The following DNAH12 variants were observed in gnomAD, a reference collection of about 807,000 sequenced individuals.
DNAH12 encodes axonemal beta dynein heavy chain 12.
In DNAH12, 285 loss-of-function variants were observed where a neutral mutation model predicts 371.5. The ratio of observed to expected loss-of-function variants is 0.77; its 90% CI spans 0.70 to 0.85. The LOEUF (loss-of-function observed/expected upper bound fraction) is 0.85, where lower values mean the gene tolerates loss of function less well. DNAH12 is among the 40% of genes least tolerant of loss of function. The probability of loss-of-function intolerance (pLI) is 0.00; values close to 1 mark genes in which losing one functional copy is unlikely to be tolerated. For missense variants in DNAH12, 3,611 were observed against 3,689.4 expected, an observed-to-expected ratio of 0.98 and a Z score of 0.55; for synonymous variants, 1,200 against 1,213.0, an observed-to-expected ratio of 0.99 and a Z score of 0.22.
intron 5 of DNAH12, among the ~76,000 whole-genome samples, chr3:57,510,079 T>C (rs2067930863): frequency 6.6e-6 from 1 of 151,982 alleles, no homozygotes; most frequent in African/African-American, 2.4e-5. Context: ...GATAATTATA[T>C]ACAATTTTTA....
At chr3:57,329,252 A>G (rs2153302712) in intron 62 of DNAH12, among the ~76,000 whole-genome samples, 1 of 140,166 alleles carries the variant, frequency 7.1e-6, no homozygotes, top group South Asian at 2.3e-4. Context: ...CTGCATTGCC[A>G]AGTCAATCCT....
chr3:57,331,625 A>AT (rs1250780468), intron 62 of DNAH12, among the ~76,000 whole-genome samples: 1 of 152,088 alleles, frequency 6.6e-6, no homozygotes, highest in African/African-American at 2.4e-5. Context: ...AAACGGTAAA[A>AT]TTTTTTTCTT....
chr3:57,392,166 G>A (rs1338526637), intron 44 of DNAH12, 100 bp from the exon 45 acceptor site: 1 of 149,982 alleles, frequency 6.7e-6, no homozygotes, highest in African/African-American at 2.4e-5. Flanking sequence ...ATTGCACCCT[G>A]TAAATATCTG....
In DNAH12 at chr3:57,419,426, G is replaced by T; in HGVS notation, c.5655C>A (p.Val1885=). The change falls in exon 37 of 74, where the codon GTC becomes GTA. Residue 1885 remains valine, a synonymous_variant. Transcript: ENST00000495027. ...TATATCTAATTGTGTCCATCGTAGG[G>T]ACTATGATATCTTGAATCTTGATTT... ...DKQIKIQDII[V]PTMDTIRYTF... is the part of the protein sequence containing the mutation. 6.6e-7 allele frequency: 1 copy of T among 1,507,518 alleles called. No homozygotes were observed. Among genetic ancestry groups the T allele is most frequent in the Non-Finnish European group, 8.8e-7 (1 of 1,132,092 alleles). The allele number at this position is 1,507,518 out of a possible 1,614,324, so 93.4% of individuals were successfully genotyped here.
At chr3:57,537,753 T>C (rs965404866) in intron 2 of DNAH12, among the ~76,000 whole-genome samples, 1 of 151,786 alleles carries the variant, frequency 6.6e-6, no homozygotes, top group Non-Finnish European at 1.5e-5. Flanking sequence ...GGCATGATCT[T>C]GGCTCACTGC....
At chr3:57,534,453 C>G (rs570493513) in intron 2 of DNAH12, among the ~76,000 whole-genome samples, 1 of 151,486 alleles carries the variant, frequency 6.6e-6, no homozygotes, top group East Asian at 1.9e-4. Flanking sequence ...TCTGTTCCCC[C>G]ACCCCACCAC....
In DNAH12 at chr3:57,419,358, G is replaced by A; in HGVS notation, c.5714+9C>T. ...ATTCAAAATGCTTGTTTATAGCAGA[G>A]TTCCTTACTTTGCATAGGTAATACT... On this transcript the variant is annotated intron_variant, in intron 37 of 73. Transcript: ENST00000495027. The A allele has an allele frequency of 6.7e-7, 1 of 1,489,758 alleles. No individual in the cohort carries two copies. Among genetic ancestry groups the A allele is most frequent in the Admixed American group, 2.7e-5 (1 of 36,552 alleles). The allele number at this position is 1,489,758 out of a possible 1,614,324, so 92.3% of individuals were successfully genotyped here. A position where few individuals can be genotyped will look rare whatever the true frequency, so the allele number is the denominator to read the frequency against.
Position 57,366,854 on chromosome 3 carries a change from G to A in DNAH12, c.9042C>T (p.Ile3014=), listed in dbSNP as rs1437626813. The A allele has an allele frequency of 4.6e-5, 7 of 152,154 alleles. No individual in the cohort carries two copies. The highest frequency in any genetic ancestry group is 1.7e-4 in the African/African-American group (7 of 41,444). The allele number at this position is 152,154 out of a possible 1,614,324, so 9.4% of individuals were successfully genotyped here. A position where few individuals can be genotyped will look rare whatever the true frequency, so the allele number is the denominator to read the frequency against. The change falls in exon 57 of 74, where the codon ATC becomes ATT. Residue 3014 remains isoleucine (I), a synonymous_variant. Transcript: ENST00000495027. ...AGTGCGGGTTTCTCAGTTTTGTGGT[G>A]ATATAAAATTTGAAATCAAAGGAAT... The part of the protein sequence containing the change: ...IEYSFDFKFY[I]TTKLRNPHYM...
chr3:57,538,154 A>C (rs1184357528), intron 2 of DNAH12, among the ~76,000 whole-genome samples: 1 of 152,228 alleles, frequency 6.6e-6, no homozygotes, highest in East Asian at 1.9e-4. Context: ...ATGAAGTGGA[A>C]TTCAGTAAGA....
At chr3:57,499,628 T>TAAAAAAAAAAAA (rs2067442019) in intron 11 of DNAH12, among the ~76,000 whole-genome samples, 1 of 3,938 alleles carries the variant, frequency 2.5e-4, no homozygotes, top group East Asian at 2.0e-3. Context: ...ACACCATCTC[T>TAAAAAAAAAAAA]ACAAAAAAAA....
chr3:57,304,806 A>G (rs1333636634), intron 69 of DNAH12, among the ~76,000 whole-genome samples: 1 of 150,796 alleles, frequency 6.6e-6, no homozygotes, highest in Non-Finnish European at 1.5e-5. Flanking sequence ...GAGGGCAAGA[A>G]CTCTCTGACC....
chr3:57,390,036 A>G (rs1188441738), intron 45 of DNAH12, among the ~76,000 whole-genome samples: 2 of 149,038 alleles, frequency 1.3e-5, no homozygotes, highest in African/African-American at 4.9e-5. Context: ...GGGTTTCACC[A>G]TGTTGGCCAG....
At chr3:57,467,462 T>A (rs571592644) in intron 17 of DNAH12, among the ~76,000 whole-genome samples, 1 of 152,168 alleles carries the variant, frequency 6.6e-6, no homozygotes, top group African/African-American at 2.4e-5. Flanking sequence ...GGTCAACAAT[T>A]TCTCTGGACT....
In DNAH12 at chr3:57,457,812, G is replaced by C. The variant is rs1259549424; in HGVS notation, c.3245C>G (p.Ser1082Cys). The C allele has an allele frequency of 1.3e-6, 2 of 1,551,600 alleles. No individual in the cohort carries two copies. The highest frequency in any genetic ancestry group is 1.7e-6 in the Non-Finnish European group (2 of 1,146,988). Residue 1082 changes from serine (S) to cysteine (C), a missense_variant, in exon 22 of 74, where the codon TCT (serine) becomes TGT (cysteine). Transcript: ENST00000495027. ...RVELIALIST[S>C]AARGAVEKWL... ...CTTTTCCACAGCACCCCGCGCTGCA[G>C]ACGTGGAAATGAGTGCAATCAGCTC...
the DNAH12 span, among the ~76,000 whole-genome samples, chr3:57,549,745 T>G: frequency 1.3e-5 from 2 of 151,806 alleles, no homozygotes; most frequent in Non-Finnish European, 2.9e-5. Context: ...CACCTCAGCC[T>G]CCAGAGTAGC....
intron 8 of DNAH12, among the ~76,000 whole-genome samples, chr3:57,504,877 C>CT (rs2067693155): frequency 6.9e-6 from 1 of 144,674 alleles, no homozygotes; most frequent in Non-Finnish European, 1.5e-5. Context: ...CTTTTTTTTT[C>CT]TTTTTTCTTT....
intron 13 of DNAH12, among the ~76,000 whole-genome samples, chr3:57,478,387 A>G (rs1312990344): frequency 6.6e-6 from 1 of 152,230 alleles, no homozygotes; most frequent in Non-Finnish European, 1.5e-5. Flanking sequence ...AAGAATAAAA[A>G]GAAATAAACA....
rs78317672 is a variant in DNAH12 at position 57,402,489 on chromosome 3, G to C, written c.6948+820C>G. The C allele has an allele frequency of 2.4e-3, 2,947 of 1,221,670 alleles. 53 individuals are homozygous for C. The African/African-American group carries it at 0.041, about 17-fold the overall frequency. The allele number at this position is 1,221,670 out of a possible 1,614,324, so 75.7% of individuals were successfully genotyped here. On this transcript the variant is annotated intron_variant, in intron 43 of 73. Coordinates refer to ENST00000495027, the MANE Select transcript of DNAH12 (RefSeq NM_001366028.2). ...ATTAATGCCATCAACATCATCATCA[G>C]GTTCATGGTTAAATCTGCTAGAAAC...
intron 60 of DNAH12, among the ~76,000 whole-genome samples, chr3:57,343,981 CCCTGTTCT>C (rs1404058235): frequency 2.0e-5 from 3 of 152,120 alleles, no homozygotes; most frequent in Admixed American, 6.5e-5. Context: ...CTTATTATCA[CCCTGTTCT>C]CCTTCTACAC....
Sources: allele counts gnomAD v4.1 joint callset (sites outside exome capture counted in the v4.1 genomes callset), GRCh38; gene constraint gnomAD v4.1.1; transcripts MANE v1.5; gene names NCBI Gene and HGNC (gene_info 2026-07-23, HGNC 2026-07-21).